ADGRG6: variants seen among roughly 807,000 people sequenced by gnomAD.
The protein encoded by ADGRG6 is adhesion G protein-coupled receptor G6, also known as G-protein coupled receptor 126.
Under a neutral mutation model 142.4 loss-of-function variants are expected in ADGRG6, and 84 were observed. The observed-to-expected ratio is 0.59, with a 90% confidence interval of 0.49 to 0.71. The LOEUF (loss-of-function observed/expected upper bound fraction) is 0.71. Among genes scored for constraint, ADGRG6 ranks in the 30% least tolerant of loss-of-function variants. The probability of loss-of-function intolerance (pLI) is 0.00; values close to 1 mark genes in which losing one functional copy is unlikely to be tolerated. For missense variants in ADGRG6, 1,367 were observed against 1,466.6 expected (o/e 0.93, Z 1.11); for synonymous variants, 521 against 520.5 (o/e 1.00, Z -0.01).
Position 142,309,654 on chromosome 6 carries a change from T to G in ADGRG6, c.103+10T>G. On this transcript the variant is annotated intron_variant, in intron 2 of 24. Transcript: ENST00000367609. ...TGTGTTCCTCACTCAGGTAAGACTC[T>G]TCCTCTTTCACACCTGGAATTTAAT... 1 of 1,511,670 alleles carries G rather than the reference T, an allele frequency of 6.6e-7. No individual in the cohort carries two copies. Among genetic ancestry groups the G allele is most frequent in the Non-Finnish European group, 9.1e-7 (1 of 1,097,740 alleles). The allele number at this position is 1,511,670 out of a possible 1,614,324, so 93.6% of individuals were successfully genotyped here. A position where few individuals can be genotyped will look rare whatever the true frequency, so the allele number is the denominator to read the frequency against.
chr6:142,433,195 C>T (rs1777297055), intron 22 of ADGRG6, among the ~76,000 whole-genome samples: 1 of 152,184 alleles, frequency 6.6e-6, no homozygotes, highest in African/African-American at 2.4e-5. Flanking sequence ...TAAGCTGAGA[C>T]AATGTGGACT....
chr6:142,318,671 G>A (rs1024663893), intron 2 of ADGRG6, among the ~76,000 whole-genome samples: 2 of 151,698 alleles, frequency 1.3e-5, no homozygotes, highest in African/African-American at 4.8e-5. Flanking sequence ...ACAACAGAAA[G>A]GGAGAATATG....
At chr6:142,333,244 G>T (rs1779149112) in intron 2 of ADGRG6, among the ~76,000 whole-genome samples, 1 of 152,100 alleles carries the variant, frequency 6.6e-6, no homozygotes, top group Non-Finnish European at 1.5e-5. Context: ...GGACAGAATG[G>T]GAGACCCAGA....
chr6:142,369,657 G>GA (rs1460923645), intron 3 of ADGRG6, among the ~76,000 whole-genome samples: 1 of 152,042 alleles, frequency 6.6e-6, no homozygotes, highest in Non-Finnish European at 1.5e-5. Flanking sequence ...GATGATGGTG[G>GA]AAAAAATAGG....
intron 2 of ADGRG6, among the ~76,000 whole-genome samples, chr6:142,333,558 C>T (rs966049420): frequency 6.6e-6 from 1 of 152,098 alleles, no homozygotes; most frequent in African/African-American, 2.4e-5. Context: ...CTGTGTTGCC[C>T]ACGCTAGGCT....
In ADGRG6 at chr6:142,446,089, C is replaced by T. The variant is rs1777960355; in HGVS notation, c.*2574C>T. On this transcript the variant is annotated 3_prime_UTR_variant, in exon 25 of 25. Coordinates refer to ENST00000367609, the MANE Select transcript of ADGRG6 (RefSeq NM_198569.3). ...ATTAGAGAGACTGTATATATTTTTTCTAAATACTTTGTGAAATCATTTTTG... is the reference window on the plus strand; with the variant it reads ...ATTAGAGAGACTGTATATATTTTTTTTAAATACTTTGTGAAATCATTTTTG... 1 of 152,354 alleles carries T rather than the reference C, an allele frequency of 6.6e-6. No individual in the cohort carries two copies. Among genetic ancestry groups the T allele is most frequent in the Non-Finnish European group, 1.5e-5 (1 of 67,978 alleles). The allele number at this position is 152,354 out of a possible 1,614,324, so 9.4% of individuals were successfully genotyped here.
In ADGRG6 at chr6:142,367,832, A is replaced by G. The variant is rs17280293; in HGVS notation, c.367A>G (p.Ser123Gly). 0.027 allele frequency: 43,787 copies of G among 1,613,664 alleles called. 756 individuals are homozygous for G. The highest frequency in any genetic ancestry group is 0.07 in the Admixed American group (4,205 of 60,000). Residue 123 changes from serine (S) to glycine (G), a missense_variant, in exon 3 of 25, where the codon AGT becomes GGT. Transcript: ENST00000367609. ...TGCCAAAGGCCTATCATTTAACTCAAGTGCGAATGAGATGCATGTGTCCTT... is the reference window on the plus strand; with the variant it reads ...TGCCAAAGGCCTATCATTTAACTCAGGTGCGAATGAGATGCATGTGTCCTT... The part of the protein sequence containing the change: ...ATAKGLSFNS[S>G]ANEMHVSFSS...
intron 2 of ADGRG6, among the ~76,000 whole-genome samples, chr6:142,310,565 T>G (rs1193233156): frequency 6.6e-6 from 1 of 151,714 alleles, no homozygotes; most frequent in African/African-American, 2.4e-5. Context: ...TTAAACATCG[T>G]GGAAATAGAT....
intron 15 of ADGRG6, among the ~76,000 whole-genome samples, chr6:142,407,170 T>TAAAAAAAAAAAAAAAAAAAAA (rs11414768): frequency 8.3e-6 from 1 of 121,034 alleles, no homozygotes; most frequent in African/African-American, 3.2e-5. Context: ...CCCGTCTCTT[T>TAAAAAAAAAAAAAAAAAAAAA]AAAAAAAAAA....
chr6:142,370,598 T>A lies in ADGRG6; in HGVS notation c.874T>A (p.Leu292Met). The change falls in exon 4 of 25, where the codon TTG (leucine) becomes ATG (methionine). Residue 292 changes from leucine (L) to methionine (M), a missense_variant. Leu to Met is a conservative substitution (Grantham distance 15). Around this residue, in one of 3 missense-constraint regions of ADGRG6, gnomAD observed 737 missense variants for 746.5 expected, o/e 0.99. Transcript: ENST00000367609. ...SKVIPGNGKL[L>M]LGSNQNEIVS... ...AGTTATTCCTGGGAATGGGAAATTG[T>A]TGTTGGGCTCCAATCAAAATGAAAT... is the stretch of plus-strand genomic sequence containing the variant. 1 of 1,612,886 alleles carries A rather than the reference T, an allele frequency of 6.2e-7. No homozygotes were observed. Among genetic ancestry groups the A allele is most frequent in the Non-Finnish European group, 8.5e-7 (1 of 1,178,938 alleles).
At position 142,340,452 on chromosome 6, in the gene ADGRG6, G is replaced by C. The variant is rs9484625; in HGVS notation, c.104-27117G>C. 4.8e-3 allele frequency among the ~76,000 whole-genome samples: 733 copies of C among 152,154 alleles called. 9 individuals are homozygous for C. Among genetic ancestry groups the C allele is most frequent in the African/African-American group, 0.017 (697 of 41,520 alleles). ...CTATATAAGGTTGTAATGGTAATAA[G>C]GTTACTTGTAAGAATTTAGAAGTGC... On this transcript the variant is annotated intron_variant, in intron 2 of 24. Transcript: ENST00000367609.
At chr6:142,378,340 TTGTG>T (rs1174843543) in intron 4 of ADGRG6, among the ~76,000 whole-genome samples, 3 of 152,178 alleles carry the variant, frequency 2.0e-5, no homozygotes, top group African/African-American at 7.2e-5. Context: ...ACTGCCAACA[TTGTG>T]TGTAATATGA....
At chr6:142,402,923 A>G in intron 13 of ADGRG6, 93 bp downstream of exon 13, 1 of 668,666 alleles carries the variant, frequency 1.5e-6, no homozygotes. Context: ...CCCAGATTTC[A>G]GAATTCAAAT....
intron 2 of ADGRG6, among the ~76,000 whole-genome samples, chr6:142,353,864 C>A (rs1012437483): frequency 6.6e-6 from 1 of 152,156 alleles, no homozygotes; most frequent in African/African-American, 2.4e-5. Context: ...CTGTCTTTGT[C>A]TTTTGCTTCA....
chr6:142,362,260 C>T (rs926408325), intron 2 of ADGRG6, among the ~76,000 whole-genome samples: 4 of 152,106 alleles, frequency 2.6e-5, no homozygotes, highest in African/African-American at 4.8e-5. Flanking sequence ...TAAGCGGTAC[C>T]CTTTTGAACT....
chr6:142,429,984 A>C (rs1777132481), intron 22 of ADGRG6, among the ~76,000 whole-genome samples: 1 of 152,138 alleles, frequency 6.6e-6, no homozygotes. Flanking sequence ...CCAGAAGTTC[A>C]AGGTTACAGT....
chr6:142,324,428 A>T (rs1778663116), intron 2 of ADGRG6, among the ~76,000 whole-genome samples: 1 of 152,018 alleles, frequency 6.6e-6, no homozygotes, highest in South Asian at 2.1e-4. Flanking sequence ...CAAGCTGAAA[A>T]CATTTTTTCC....
intron 22 of ADGRG6, among the ~76,000 whole-genome samples, chr6:142,428,760 T>A (rs984520210): frequency 2.0e-5 from 3 of 152,156 alleles, no homozygotes; most frequent in African/African-American, 7.2e-5. Flanking sequence ...TCCAGTCACC[T>A]CCCATCAGTT....
At chr6:142,308,725 T>C (rs1363406144) in intron 1 of ADGRG6, among the ~76,000 whole-genome samples, 1 of 151,800 alleles carries the variant, frequency 6.6e-6, no homozygotes, top group Admixed American at 6.6e-5. Flanking sequence ...TGATGACTGA[T>C]TTTTGTAATT....
Sources: gnomAD v4.1 joint callset for allele counts (sites outside exome capture counted in the v4.1 genomes callset) on GRCh38, gnomAD v4.1.1 for gene constraint, gnomAD v4.1.1 regional missense constraint, MANE v1.5 for transcripts, NCBI Gene and HGNC (gene_info 2026-07-23, HGNC 2026-07-21) for gene names.